The following PFKP variants were observed in gnomAD, a reference collection of about 807,000 sequenced individuals.
PFKP encodes the protein phosphofructokinase, platelet, also known as ATP-dependent 6-phosphofructokinase, platelet type.
PFKP carries 101 observed loss-of-function variants against 94.3 expected under a neutral mutation model. That is an observed-to-expected ratio of 1.07 (90% CI 0.91 to 1.26). The LOEUF is 1.26. PFKP is among the 50% of genes most tolerant of loss of function. PFKP has a pLI of 0.00. For synonymous variants in PFKP, 573 were observed against 432.6 expected (o/e 1.32, Z -4.03); for missense variants, 1,145 against 1,103.3 (o/e 1.04, Z -0.53).
intron 13 of PFKP, among the ~76,000 whole-genome samples, chr10:3,115,725 G>A (rs1011575573): frequency 2.0e-5 from 3 of 152,196 alleles, no homozygotes; most frequent in Non-Finnish European, 4.4e-5. Flanking sequence ...AGAACTCACA[G>A]AGCTTCCCTG....
At chr10:3,118,642 G>A (rs1837075297) in intron 14 of PFKP, 140 bp from the exon 15 acceptor site, 1 of 594,760 alleles carries the variant, frequency 1.7e-6, no homozygotes, top group Admixed American at 3.1e-5. Context: ...ACAACGGCAT[G>A]AGTGAAAAGG....
chr10:3,099,077 C>CATTA (rs1235769147), intron 2 of PFKP, among the ~76,000 whole-genome samples, 198 bp from the exon 3 acceptor site: 4 of 152,120 alleles, frequency 2.6e-5, no homozygotes, highest in Non-Finnish European at 5.9e-5. Context: ...CAGACGTTCC[C>CATTA]ATTACTAGGG....
At chr10:3,133,747 T>G (rs1838877737) in intron 19 of PFKP, among the ~76,000 whole-genome samples, 1 of 152,234 alleles carries the variant, frequency 6.6e-6, no homozygotes, top group Admixed American at 6.5e-5. Flanking sequence ...TCTGAACTTT[T>G]AAGTGATGCC....
At chr10:3,082,534 TC>T (rs1337820311) in intron 2 of PFKP, 73 bp downstream of exon 2, 14 of 1,087,184 alleles carry the variant, frequency 1.3e-5, no homozygotes, top group Non-Finnish European at 1.8e-5. Flanking sequence ...CGGCGCTCGC[TC>T]ACCCCTGCCT....
chr10:3,136,691 G>T lies in PFKP; in HGVS notation c.*112G>T, dbSNP rs1839414015. 4.2e-6 allele frequency: 5 copies of T among 1,178,866 alleles called. No homozygotes were observed. Among genetic ancestry groups the T allele is most frequent in the Non-Finnish European group, 6.0e-6 (5 of 835,676 alleles). 73.0% of individuals were successfully genotyped at this position (1,178,866 alleles called of 1,614,324 possible). On this transcript the variant is annotated 3_prime_UTR_variant, in exon 22 of 22. Transcript: ENST00000381125. ...TATTATTGACATTAATACCTAATCG[G>T]CGAGTGCCCATCTGCCCCACCTGCT...
At chr10:3,107,580 C>G (rs752912528) in intron 8 of PFKP, among the ~76,000 whole-genome samples, 1 of 152,200 alleles carries the variant, frequency 6.6e-6, no homozygotes, top group Non-Finnish European at 1.5e-5. Context: ...AGTGGCCACG[C>G]GTGTTCTTTG....
chr10:3,121,720 T>C (rs995687955), intron 16 of PFKP, among the ~76,000 whole-genome samples: 1 of 151,572 alleles, frequency 6.6e-6, no homozygotes, highest in Non-Finnish European at 1.5e-5. Context: ...AGGGATTGTG[T>C]GATTTATTAT....
chr10:3,108,806 G>C lies in PFKP; in HGVS notation c.963+13G>C, dbSNP rs763017318. On this transcript the variant is annotated intron_variant, in intron 9 of 21. Coordinates refer to ENST00000381125, the MANE Select transcript of PFKP (RefSeq NM_002627.5). ...CGACAGGATCTTGGTGAGTTGGGAA[G>C]GGTTGGGCATCTTCACAAGGTCTCT... 6.3e-7 allele frequency: 1 copy of C among 1,576,316 alleles called. No homozygotes were observed.
chr10:3,112,311 G>T (rs768265206), intron 11 of PFKP, 25 bp downstream of exon 11: 3 of 1,588,272 alleles, frequency 1.9e-6, no homozygotes, highest in Non-Finnish European at 2.6e-6. Context: ...AGAAAGCTCT[G>T]CCCTGTCAGG....
chr10:3,091,197 A>G (rs111458065), intron 2 of PFKP, among the ~76,000 whole-genome samples: 134 of 152,174 alleles, frequency 8.8e-4, no homozygotes, highest in African/African-American at 3.1e-3. Context: ...TGGTGAACCA[A>G]TTGTTGCTTC....
At chr10:3,130,795 G>A (rs1432945708) in intron 17 of PFKP, among the ~76,000 whole-genome samples, 4 of 152,182 alleles carry the variant, frequency 2.6e-5, no homozygotes, top group East Asian at 3.8e-4. Context: ...CTGACCTCGT[G>A]ATCTGCCCAC....
intron 2 of PFKP, among the ~76,000 whole-genome samples, chr10:3,084,843 T>C (rs1320763530): frequency 5.0e-4 from 26 of 51,616 alleles, no homozygotes; most frequent in East Asian, 2.3e-3. Context: ...AGCACAGTCC[T>C]CCACCCCCTC....
intron 17 of PFKP, among the ~76,000 whole-genome samples, 180 bp from the exon 18 acceptor site, chr10:3,132,200 C>A (rs182148556): frequency 9.8e-5 from 15 of 152,328 alleles, no homozygotes; most frequent in South Asian, 2.1e-4. Context: ...GCGTTCATCG[C>A]TGCAGACGTG....
At chr10:3,100,573 C>G (rs181124233) in intron 3 of PFKP, among the ~76,000 whole-genome samples, 1,830 of 152,186 alleles carry the variant, frequency 0.012, 11 homozygotes, top group Non-Finnish European at 0.016. Context: ...GCCTGCAGAC[C>G]GAAGGCAGGG....
chr10:3,118,942 C>T (rs1837113883), intron 15 of PFKP, 73 bp downstream of exon 15: 2 of 1,118,214 alleles, frequency 1.8e-6, no homozygotes, highest in East Asian at 2.6e-5. Flanking sequence ...CATTAAGCTA[C>T]TTGTTGGCTA....
At chr10:3,104,845 G>A in intron 5 of PFKP, 1 of 538,252 alleles carries the variant, frequency 1.9e-6, no homozygotes, top group South Asian at 2.3e-5. Flanking sequence ...CCTGGCACAG[G>A]CAGGCAGAAG....
intron 15 of PFKP, among the ~76,000 whole-genome samples, chr10:3,119,456 T>A (rs1342261399): frequency 6.7e-6 from 1 of 150,338 alleles, no homozygotes; most frequent in Non-Finnish European, 1.5e-5. Context: ...AATATAAAAA[T>A]TAGCCGGGTG....
At chr10:3,128,037 A>G (rs1838146241) in intron 16 of PFKP, among the ~76,000 whole-genome samples, 1 of 152,010 alleles carries the variant, frequency 6.6e-6, no homozygotes, top group Non-Finnish European at 1.5e-5. Context: ...TCATGCTCTT[A>G]CTCTTGGCTG....
intron 15 of PFKP, among the ~76,000 whole-genome samples, chr10:3,119,552 A>C (rs7898894): frequency 0.83 from 126,320 of 151,902 alleles, 52,665 homozygotes; most frequent in East Asian, 0.88. Flanking sequence ...TTGCAGTGAG[A>C]CGAGATTGCA....
Sources: allele counts gnomAD v4.1 joint callset (sites outside exome capture counted in the v4.1 genomes callset), GRCh38; gene constraint gnomAD v4.1.1; transcripts MANE v1.5; gene names NCBI Gene and HGNC (gene_info 2026-07-23, HGNC 2026-07-21).